Variants in SHOC1 observed in about 807,000 individuals in gnomAD.
The protein encoded by SHOC1 is protein shortage in chiasmata 1 ortholog.
SHOC1 carries 136 observed loss-of-function variants against 179.2 expected under a neutral mutation model. The ratio of observed to expected loss-of-function variants is 0.76; its 90% CI spans 0.66 to 0.87. The LOEUF is 0.87. Among genes scored for constraint, SHOC1 ranks in the 40% least tolerant of loss-of-function variants. SHOC1 has a pLI of 0.00. For synonymous variants in SHOC1, 489 were observed against 586.6 expected (o/e 0.83, Z 2.41); for missense variants, 1,538 against 1,700.8 (o/e 0.90, Z 1.68).
rs187361211 is a variant in SHOC1 at position 111,705,448 on chromosome 9, A to G, written c.2738-84T>C. ...CTTTTTTTTTTTACTAAACATGAGGATAAGTAGGAGTAGTATAAAAATAAT... is the reference window on the plus strand; with the variant it reads ...CTTTTTTTTTTTACTAAACATGAGGGTAAGTAGGAGTAGTATAAAAATAAT... On this transcript the variant is annotated intron_variant, in intron 20 of 27. Transcript: ENST00000682961. The G allele has an allele frequency of 5.9e-4, 333 of 567,102 alleles. 4 individuals carry two copies. In the East Asian group the frequency reaches 6.8e-3, roughly 12 times the overall value. 35.1% of individuals were successfully genotyped at this position (567,102 alleles called of 1,614,324 possible). A position where few individuals can be genotyped will look rare whatever the true frequency, so the allele number is the denominator to read the frequency against.
chr9:111,686,939 C>CTTTTTTTT (rs10537471), intron 27 of SHOC1, 69 bp from the exon 28 acceptor site: 5 of 520,860 alleles, frequency 9.6e-6, no homozygotes, highest in African/African-American at 2.1e-5. Flanking sequence ...TTTTCTTTTC[C>CTTTTTTTT]TTTTTTTTTT....
chr9:111,769,989 T>G (rs1203367865), intron 5 of SHOC1, among the ~76,000 whole-genome samples: 22 of 50,762 alleles, frequency 4.3e-4, no homozygotes, highest in Non-Finnish European at 7.4e-4. Flanking sequence ...TTTTTTTGTT[T>G]TTTTTTTTTT....
intron 5 of SHOC1, among the ~76,000 whole-genome samples, chr9:111,767,139 G>T (rs1835388778): frequency 2.0e-5 from 3 of 152,040 alleles, no homozygotes; most frequent in Non-Finnish European, 4.4e-5. Context: ...CATTCTGTGG[G>T]TTGTCTCTTC....
At chr9:111,776,013 T>TATTTTA in intron 4 of SHOC1, 38 bp from the exon 5 acceptor site, 1 of 1,520,780 alleles carries the variant, frequency 6.6e-7, no homozygotes, top group Non-Finnish European at 9.0e-7. Flanking sequence ...ATGTATGTCC[T>TATTTTA]ATTTTAAAAC....
chr9:111,780,269 TAAC>T (rs1444173689), intron 4 of SHOC1, among the ~76,000 whole-genome samples: 1 of 152,160 alleles, frequency 6.6e-6, no homozygotes, highest in East Asian at 1.9e-4. Context: ...ATGTGAATAA[TAAC>T]AAAATCTCTC....
At position 111,743,906 on chromosome 9, in the gene SHOC1, T is replaced by C. The variant is rs1434064967; in HGVS notation, c.1079+2328A>G. ...ATGGAAGTGATTTATCTCTTGCTGG[T>C]AAATGTAGTAGTGAGGGGAAAACTT... On this transcript the variant is annotated intron_variant, in intron 10 of 27. Coordinates refer to ENST00000682961, the MANE Select transcript of SHOC1 (RefSeq NM_001378211.1). 3.9e-5 allele frequency among the ~76,000 whole-genome samples: 6 copies of C among 152,222 alleles called. No individual in the cohort carries two copies. In the East Asian group the frequency reaches 1.2e-3, roughly 29 times the overall value.
rs567283566 is a variant in SHOC1, at chr9:111,686,563, TCTG to T, written c.*204_*206del. The T allele has an allele frequency of 2.3e-6, 1 of 430,186 alleles. No individual in the cohort carries two copies. The highest frequency in any genetic ancestry group is 4.2e-6 in the Non-Finnish European group (1 of 236,272). 26.6% of individuals were successfully genotyped at this position (430,186 alleles called of 1,614,324 possible). ...ACATTTTGGATCTTATGATAATTAT[TCTG>T]CTAATTGATAAATTAGAATATTTAA... On this transcript the variant is annotated 3_prime_UTR_variant, in exon 28 of 28. Transcript: ENST00000682961.
At chr9:111,735,006 T>C (rs1833753389) in intron 12 of SHOC1, among the ~76,000 whole-genome samples, 1 of 152,140 alleles carries the variant, frequency 6.6e-6, no homozygotes, top group African/African-American at 2.4e-5. Flanking sequence ...GTTTCTATTG[T>C]TGCCATCTTT....
chr9:111,751,475 T>A (rs1017077905), intron 8 of SHOC1, among the ~76,000 whole-genome samples: 14 of 152,164 alleles, frequency 9.2e-5, no homozygotes, highest in African/African-American at 3.4e-4. Flanking sequence ...TTATTGTAAA[T>A]CAATGCATTA....
intron 10 of SHOC1, among the ~76,000 whole-genome samples, chr9:111,742,620 T>C (rs1290593777): frequency 1.3e-5 from 2 of 152,202 alleles, no homozygotes; most frequent in African/African-American, 2.4e-5. Flanking sequence ...CCAAGCTCCC[T>C]GCTACCCTGA....
At chr9:111,719,026 T>G (rs769486296) in intron 15 of SHOC1, among the ~76,000 whole-genome samples, 1 of 152,140 alleles carries the variant, frequency 6.6e-6, no homozygotes, top group Non-Finnish European at 1.5e-5. Context: ...AAATTGATGA[T>G]CTATTCAATG....
At chr9:111,713,215 C>A in intron 17 of SHOC1, 43 bp from the exon 18 acceptor site, 6 of 1,083,072 alleles carry the variant, frequency 5.5e-6, no homozygotes, top group Non-Finnish European at 8.1e-6. Flanking sequence ...GATGATTATT[C>A]TTTTTCACAG....
At chr9:111,692,697 T>C (rs1831500375) in intron 26 of SHOC1, among the ~76,000 whole-genome samples, 186 bp from the exon 27 acceptor site, 1 of 152,220 alleles carries the variant, frequency 6.6e-6, no homozygotes, top group Admixed American at 6.5e-5. Flanking sequence ...TTCATACTTA[T>C]TTTCTAATCA....
At chr9:111,694,026 C>T in intron 25 of SHOC1, 78 bp from the exon 26 acceptor site, 4 of 1,277,932 alleles carry the variant, frequency 3.1e-6, no homozygotes, top group Non-Finnish European at 4.3e-6. Flanking sequence ...AAGTACATTT[C>T]TTCCTAGAAA....
intron 5 of SHOC1, among the ~76,000 whole-genome samples, chr9:111,760,184 G>A (rs1251833112): frequency 6.6e-6 from 1 of 152,144 alleles, no homozygotes; most frequent in East Asian, 1.9e-4. Flanking sequence ...GGAACTAAAT[G>A]GCTGACATCT....
chr9:111,693,547 G>A (rs922823629), intron 26 of SHOC1, among the ~76,000 whole-genome samples: 2 of 151,464 alleles, frequency 1.3e-5, no homozygotes, highest in African/African-American at 2.4e-5. Flanking sequence ...AGGTTGCAGT[G>A]AGCTGAGATT....
intron 14 of SHOC1, among the ~76,000 whole-genome samples, chr9:111,723,031 C>T (rs10119250): frequency 0.055 from 8,365 of 152,170 alleles, 567 homozygotes; most frequent in African/African-American, 0.16. Context: ...CCGCCCACCT[C>T]GGCCTCCCAA....
At chr9:111,777,243 G>C (rs957610790) in intron 4 of SHOC1, among the ~76,000 whole-genome samples, 4 of 152,136 alleles carry the variant, frequency 2.6e-5, no homozygotes, top group African/African-American at 9.7e-5. Flanking sequence ...AATTTGGAGA[G>C]GTTCAGACTC....
At chr9:111,746,532 G>T (rs1834294668) in intron 9 of SHOC1, among the ~76,000 whole-genome samples, 190 bp from the exon 10 acceptor site, 1 of 152,066 alleles carries the variant, frequency 6.6e-6, no homozygotes, top group African/African-American at 2.4e-5. Context: ...AGCCAGCAGT[G>T]GTGGCACATG....
Sources: allele counts gnomAD v4.1 joint callset (sites outside exome capture counted in the v4.1 genomes callset), GRCh38; gene constraint gnomAD v4.1.1; transcripts MANE v1.5; gene names NCBI Gene and HGNC (gene_info 2026-07-23, HGNC 2026-07-21).